Variants in TGFA observed in about 807,000 individuals in gnomAD.
The protein encoded by TGFA is protransforming growth factor alpha.
Under a neutral mutation model 21.7 loss-of-function variants are expected in TGFA, and 12 were observed. That is an observed-to-expected ratio of 0.55 (90% confidence interval 0.35 to 0.90). The LOEUF is 0.90. Ranked by LOEUF, TGFA falls within the 40% of genes least tolerant of loss-of-function variation. The probability of loss-of-function intolerance (pLI) is 0.01; values close to 1 mark genes in which losing one functional copy is unlikely to be tolerated. For synonymous variants in TGFA, 79 were observed against 88.1 expected (o/e 0.90, Z 0.58); for missense variants, 178 against 210.8 (o/e 0.84, Z 0.96).
intron 1 of TGFA, among the ~76,000 whole-genome samples, chr2:70,525,969 C>T (rs1183693911): frequency 6.6e-6 from 1 of 152,142 alleles, no homozygotes; most frequent in East Asian, 1.9e-4. Context: ...AAATTCTGGG[C>T]CCCAACAGAG....
chr2:70,526,613 C>G (rs567838437), intron 1 of TGFA, among the ~76,000 whole-genome samples: 1 of 152,266 alleles, frequency 6.6e-6, no homozygotes, highest in East Asian at 1.9e-4. Context: ...TTAGCAGTGT[C>G]AATTTAAGAC....
At chr2:70,524,011 T>C (rs1238045284) in intron 1 of TGFA, among the ~76,000 whole-genome samples, 1 of 152,134 alleles carries the variant, frequency 6.6e-6, no homozygotes, top group African/African-American at 2.4e-5. Flanking sequence ...ACAGAGACCC[T>C]TGGAGGAGGA....
chr2:70,553,228 C>A, intron 1 of TGFA: 1 of 1,536,196 alleles, frequency 6.5e-7, no homozygotes. Flanking sequence ...GGCGCCTCTG[C>A]CGATCTTGAA....
rs1380496346 is a variant in TGFA at position 70,521,620 on chromosome 2, T to TG, written c.41-6709_41-6708insC. 2.2e-3 allele frequency among the ~76,000 whole-genome samples: 279 copies of TG among 126,214 alleles called. 1 individual carries two copies. The highest frequency in any genetic ancestry group is 3.8e-3 in the Middle Eastern group (1 of 264). 82.8% of individuals were successfully genotyped at this position (126,214 alleles called of 152,430 possible). ...TTTTTTTTGTTGTTGTTTGTTTGTTTTTTTTTTTTTTTTTTTTTGAGTCTC... is the reference window on the plus strand; with the variant it reads ...TTTTTTTTGTTGTTGTTTGTTTGTTTGTTTTTTTTTTTTTTTTTTGAGTCTC... On this transcript the variant is annotated intron_variant, in intron 1 of 5. Coordinates refer to ENST00000295400, the MANE Select transcript of TGFA (RefSeq NM_003236.4).
At position 70,473,565 on chromosome 2, in the gene TGFA, A is replaced by G. The variant is rs960391198; in HGVS notation, c.95-7829T>C. On this transcript the variant is annotated intron_variant, in intron 2 of 5. Transcript: ENST00000295400. ...CAGGCAGAAGAACAAGAGGGTTTTCAAATGAGCAGCGGATGTCAGCAGAGT... is the reference window on the plus strand; with the variant it reads ...CAGGCAGAAGAACAAGAGGGTTTTCGAATGAGCAGCGGATGTCAGCAGAGT... Among the ~76,000 whole-genome samples, 3 of 152,042 alleles carry G rather than the reference A, an allele frequency of 2.0e-5. 1 individual carries two copies. The highest frequency in any genetic ancestry group is 6.6e-5 in the Admixed American group (1 of 15,266).
chr2:70,547,860 TATAG>T (rs1559147278), intron 1 of TGFA, among the ~76,000 whole-genome samples: 1 of 148,078 alleles, frequency 6.8e-6, no homozygotes, highest in African/African-American at 2.5e-5. Context: ...TATATCTATA[TATAG>T]AGAGATATAT....
intron 2 of TGFA, among the ~76,000 whole-genome samples, chr2:70,494,883 T>C (rs1671535673): frequency 6.6e-6 from 1 of 152,208 alleles, no homozygotes. Flanking sequence ...ATAAATCCTC[T>C]TTAGGATTCA....
intron 2 of TGFA, among the ~76,000 whole-genome samples, chr2:70,505,302 C>T (rs1160858108): frequency 2.6e-5 from 4 of 152,126 alleles, no homozygotes; most frequent in Admixed American, 6.5e-5. Flanking sequence ...TGGTCAAGGG[C>T]TGAATCCCTG....
At chr2:70,476,185 T>C (rs1362864295) in intron 2 of TGFA, among the ~76,000 whole-genome samples, 2 of 151,908 alleles carry the variant, frequency 1.3e-5, no homozygotes, top group African/African-American at 2.4e-5. Context: ...TATGTGATAA[T>C]TTGATTTCAA....
chr2:70,534,160 C>A (rs1672903946), intron 1 of TGFA, among the ~76,000 whole-genome samples: 2 of 152,188 alleles, frequency 1.3e-5, no homozygotes, highest in Admixed American at 1.3e-4. Context: ...AGAGCAAATG[C>A]TATTTTTGTT....
chr2:70,545,236 A>G (rs868930930), intron 1 of TGFA, among the ~76,000 whole-genome samples: 1 of 152,154 alleles, frequency 6.6e-6, no homozygotes, highest in South Asian at 2.1e-4. Context: ...GAGATGAAGA[A>G]GACAAAGAAG....
At chr2:70,525,837 T>C (rs1672617181) in intron 1 of TGFA, among the ~76,000 whole-genome samples, 1 of 152,176 alleles carries the variant, frequency 6.6e-6, no homozygotes, top group Non-Finnish European at 1.5e-5. Context: ...GCTTTCTGAC[T>C]GTCACAAGGA....
chr2:70,529,650 G>C (rs1174533338), intron 1 of TGFA, among the ~76,000 whole-genome samples: 1 of 151,286 alleles, frequency 6.6e-6, no homozygotes, highest in Non-Finnish European at 1.5e-5. Flanking sequence ...GGCACACCGG[G>C]AAATGAGGCT....
chr2:70,547,977 A>G (rs1673368802), intron 1 of TGFA, among the ~76,000 whole-genome samples: 1 of 151,842 alleles, frequency 6.6e-6, no homozygotes, highest in East Asian at 1.9e-4. Context: ...GGTCATGAAA[A>G]CACTCTCTTA....
At chr2:70,545,625 A>T (rs1673279851) in intron 1 of TGFA, among the ~76,000 whole-genome samples, 1 of 152,210 alleles carries the variant, frequency 6.6e-6, no homozygotes, top group Non-Finnish European at 1.5e-5. Flanking sequence ...ATTTCAACAT[A>T]ATATATGAGA....
At chr2:70,530,383 C>T (rs1349027392) in intron 1 of TGFA, among the ~76,000 whole-genome samples, 1 of 152,208 alleles carries the variant, frequency 6.6e-6, no homozygotes, top group Non-Finnish European at 1.5e-5. Context: ...AGGCAGATCC[C>T]AGGGATCTCC....
At chr2:70,532,373 G>T (rs1672837512) in intron 1 of TGFA, among the ~76,000 whole-genome samples, 1 of 152,144 alleles carries the variant, frequency 6.6e-6, no homozygotes, top group Non-Finnish European at 1.5e-5. Flanking sequence ...CAAGCAGGGA[G>T]GCCATTCATC....
At chr2:70,503,548 A>G (rs1479375339) in intron 2 of TGFA, among the ~76,000 whole-genome samples, 6 of 150,914 alleles carry the variant, frequency 4.0e-5, no homozygotes, top group Non-Finnish European at 5.9e-5. Context: ...CGTTGCGCAC[A>G]TGTACCCTAA....
intron 2 of TGFA, among the ~76,000 whole-genome samples, chr2:70,495,500 A>G (rs2103797481): frequency 6.6e-6 from 1 of 152,334 alleles, no homozygotes; most frequent in East Asian, 1.9e-4. Flanking sequence ...AATGGGAAGA[A>G]CAGTTCTATA....
Sources: gnomAD v4.1 joint callset for allele counts (sites outside exome capture counted in the v4.1 genomes callset) on GRCh38, gnomAD v4.1.1 for gene constraint, MANE v1.5 for transcripts, NCBI Gene and HGNC (gene_info 2026-07-23, HGNC 2026-07-21) for gene names.